Variants in SETBP1 observed in about 807,000 individuals in gnomAD.
SETBP1 encodes the protein SET binding protein 1, also known as SET-binding protein.
A neutral mutation model predicts 101.0 loss-of-function variants in SETBP1; 9 were observed. The ratio of observed to expected loss-of-function variants is 0.09; its 90% confidence interval spans 0.05 to 0.16. SETBP1 has a LOEUF of 0.16. SETBP1 is among the 10% of genes least tolerant of loss of function. The pLI is 1.00. For missense variants in SETBP1, 1,858 were observed against 2,033.8 expected, an observed-to-expected ratio of 0.91 and a Z score of 1.66; for synonymous variants, 818 against 788.5, an observed-to-expected ratio of 1.04 and a Z score of -0.63.
At position 45,020,778 on chromosome 18, in the gene SETBP1, G is replaced by A. The variant is rs143907557; in HGVS notation, c.4001-17707G>A. On this transcript the variant is annotated intron_variant, in intron 4 of 5. Coordinates refer to ENST00000649279, the MANE Select transcript of SETBP1 (RefSeq NM_015559.3). ...GCACTGAACACCTGAAGTCACCTCT[G>A]TATGGAGATGCTCCTGTCCAGCATG... Among the ~76,000 whole-genome samples the A allele has an allele frequency of 7.2e-5, 11 of 152,276 alleles. No individual in the cohort carries two copies. The East Asian group carries it at 2.1e-3, about 29-fold the overall frequency.
At chr18:44,824,787 G>A (rs189789556) in intron 2 of SETBP1, among the ~76,000 whole-genome samples, 688 of 152,328 alleles carry the variant, frequency 4.5e-3, no homozygotes, top group Non-Finnish European at 7.2e-3. Context: ...AGAAGAAAGA[G>A]AGCAATAGGA....
At chr18:44,996,289 A>G (rs2072496670) in intron 4 of SETBP1, among the ~76,000 whole-genome samples, 1 of 152,226 alleles carries the variant, frequency 6.6e-6, no homozygotes, top group South Asian at 2.1e-4. Flanking sequence ...AATTACAGAG[A>G]CTAGAGCCTG....
Position 44,955,864 on chromosome 18 carries a change from A to G in SETBP1, c.4000+2524A>G, listed in dbSNP as rs1028168024. 3.9e-5 allele frequency among the ~76,000 whole-genome samples: 6 copies of G among 152,176 alleles called. No individual in the cohort carries two copies. The East Asian group carries it at 7.7e-4, about 20-fold the overall frequency. On this transcript the variant is annotated intron_variant, in intron 4 of 5. Coordinates refer to ENST00000649279, the MANE Select transcript of SETBP1 (RefSeq NM_015559.3). ...GCATCTGCACAGTGATTGTGTGATG[A>G]TTACAAAAGAGAATAGTTAAGGAAA...
intron 2 of SETBP1, among the ~76,000 whole-genome samples, chr18:44,781,189 A>G (rs1490065873): frequency 6.6e-6 from 1 of 152,182 alleles, no homozygotes; most frequent in Non-Finnish European, 1.5e-5. Flanking sequence ...AACAATGGAA[A>G]ATCATTGAAG....
chr18:44,781,944 A>G (rs2071139847), intron 2 of SETBP1, among the ~76,000 whole-genome samples: 1 of 152,192 alleles, frequency 6.6e-6, no homozygotes, highest in Admixed American at 6.5e-5. Context: ...CACAACTCTC[A>G]CTATTTGCAA....
intron 2 of SETBP1, among the ~76,000 whole-genome samples, chr18:44,819,362 C>G (rs1303705433): frequency 6.6e-6 from 1 of 152,160 alleles, no homozygotes; most frequent in Non-Finnish European, 1.5e-5. Flanking sequence ...ATAATTCTAT[C>G]CTTTTCATCC....
chr18:44,693,171 G>A (rs1018217157), intron 1 of SETBP1, among the ~76,000 whole-genome samples: 5 of 152,122 alleles, frequency 3.3e-5, no homozygotes, highest in East Asian at 1.9e-4. Flanking sequence ...AAGGAATTCC[G>A]GAAAGATTAC....
chr18:44,706,626 A>AT (rs1171144882), intron 2 of SETBP1, among the ~76,000 whole-genome samples: 4 of 148,448 alleles, frequency 2.7e-5, no homozygotes, highest in South Asian at 4.3e-4. Context: ...AAAAAAAAAA[A>AT]TTCCAGTAGT....
intron 3 of SETBP1, among the ~76,000 whole-genome samples, chr18:44,920,428 G>T (rs2070552405): frequency 6.6e-6 from 1 of 152,126 alleles, no homozygotes; most frequent in Admixed American, 6.6e-5. Context: ...AATATTTGTT[G>T]AATGGACAAC....
intron 5 of SETBP1, among the ~76,000 whole-genome samples, chr18:45,059,028 C>A (rs1179236523): frequency 9.9e-5 from 15 of 152,134 alleles, no homozygotes; most frequent in Admixed American, 9.8e-4. Context: ...CTGTCCAGCC[C>A]TAAGATTTTA....
chr18:44,693,887 T>C (rs2068973903), intron 1 of SETBP1, among the ~76,000 whole-genome samples: 1 of 152,208 alleles, frequency 6.6e-6, no homozygotes, highest in Non-Finnish European at 1.5e-5. Flanking sequence ...GACATCATTA[T>C]GCATATTCTC....
chr18:44,954,329 TAAAAAAAA>T (rs5824565), intron 4 of SETBP1, among the ~76,000 whole-genome samples: 8 of 71,608 alleles, frequency 1.1e-4, no homozygotes, highest in Non-Finnish European at 1.6e-4. Context: ...TTGCAGAAGC[TAAAAAAAA>T]AAAAAAAAAA....
At chr18:44,974,747 T>C (rs1360193205) in intron 4 of SETBP1, among the ~76,000 whole-genome samples, 1 of 152,170 alleles carries the variant, frequency 6.6e-6, no homozygotes, top group African/African-American at 2.4e-5. Flanking sequence ...ACTCTCATGA[T>C]ATTAAGAGCA....
chr18:45,057,315 T>TA (rs531456724), intron 5 of SETBP1, among the ~76,000 whole-genome samples: 25 of 151,974 alleles, frequency 1.6e-4, no homozygotes, highest in African/African-American at 5.3e-4. Context: ...CCATTAAAAA[T>TA]AAAAAGCAGC....
chr18:44,893,345 G>T (rs544894114), intron 3 of SETBP1, among the ~76,000 whole-genome samples: 99 of 152,286 alleles, frequency 6.5e-4, no homozygotes, highest in African/African-American at 2.2e-3. Flanking sequence ...ACCCTTGGGG[G>T]TAGGTTCTAT....
At chr18:44,799,328 C>T (rs1469317990) in intron 2 of SETBP1, among the ~76,000 whole-genome samples, 1 of 151,982 alleles carries the variant, frequency 6.6e-6, no homozygotes, top group Non-Finnish European at 1.5e-5. Context: ...CTATGCATGC[C>T]CCACCTAAAC....
At chr18:44,774,158 T>G (rs1306013795) in intron 2 of SETBP1, among the ~76,000 whole-genome samples, 1 of 152,200 alleles carries the variant, frequency 6.6e-6, no homozygotes, top group Non-Finnish European at 1.5e-5. Flanking sequence ...CCTGTGACTT[T>G]GAAGATTTTA....
chr18:44,741,641 AG>A (rs985887589), intron 2 of SETBP1, among the ~76,000 whole-genome samples: 1 of 145,552 alleles, frequency 6.9e-6, no homozygotes, highest in African/African-American at 2.5e-5. Context: ...GCCAGCAGAA[AG>A]GGTTTGCCAA....
chr18:44,690,772 A>G (rs549959668), intron 1 of SETBP1, among the ~76,000 whole-genome samples: 1 of 152,338 alleles, frequency 6.6e-6, no homozygotes, highest in African/African-American at 2.4e-5. Flanking sequence ...ATAAACTTAA[A>G]TCAGATGAAA....
Sources: allele counts gnomAD v4.1 joint callset (sites outside exome capture counted in the v4.1 genomes callset), GRCh38; gene constraint gnomAD v4.1.1; transcripts MANE v1.5; gene names NCBI Gene and HGNC (gene_info 2026-07-23, HGNC 2026-07-21).